The following XKR9 variants were observed in gnomAD, a reference collection of about 807,000 sequenced individuals.
The protein encoded by XKR9 is XK-related protein 9.
A neutral mutation model predicts 32.0 loss-of-function variants in XKR9; 32 were observed. The ratio of observed to expected loss-of-function variants is 1.00; its 90% CI spans 0.76 to 1.34. The LOEUF is 1.34. Ranked by LOEUF, XKR9 falls within the 40% of genes most tolerant of loss-of-function variation. XKR9 has a pLI of 0.00. For missense variants in XKR9, 546 were observed against 429.7 expected (o/e 1.27, Z -2.39); for synonymous variants, 168 against 143.4 (o/e 1.17, Z -1.22).
chr8:70,933,910 C>T, the XKR9 span, among the ~76,000 whole-genome samples: 85 of 152,010 alleles, frequency 5.6e-4, no homozygotes, highest in South Asian at 0.017. Context: ...ACATACTTAC[C>T]CGATTCTCAT....
At position 70,733,745 on chromosome 8, in the gene XKR9, A is replaced by T. The variant is rs549642506; in HGVS notation, c.494-51A>T. ...AGCATGTATGGGATATAGTAATCTA[A>T]TATTTCTATTATTCCTATAACAATA... On this transcript the variant is annotated intron_variant, in intron 4 of 4. Transcript: ENST00000408926. 219 of 1,412,242 alleles carry T rather than the reference A, an allele frequency of 1.6e-4. 2 individuals carry two copies. In the South Asian group the frequency reaches 3.3e-3, roughly 21 times the overall value. The allele number at this position is 1,412,242 out of a possible 1,614,324, so 87.5% of individuals were successfully genotyped here.
the XKR9 span, among the ~76,000 whole-genome samples, chr8:70,927,270 G>T: frequency 6.6e-6 from 1 of 151,932 alleles, no homozygotes; most frequent in Non-Finnish European, 1.5e-5. Context: ...AGCTAACAGA[G>T]GAGAGGGAAG....
At chr8:70,882,939 T>C in the XKR9 span, among the ~76,000 whole-genome samples, 1 of 149,578 alleles carries the variant, frequency 6.7e-6, no homozygotes, top group Admixed American at 6.7e-5. Flanking sequence ...ATTCTCCCCC[T>C]GAACCTTCAG....
chr8:70,810,807 AC>A, the XKR9 span, among the ~76,000 whole-genome samples: 1 of 152,248 alleles, frequency 6.6e-6, no homozygotes, highest in Non-Finnish European at 1.5e-5. Context: ...TTAGAGACCT[AC>A]AAAGAGACTT....
the XKR9 span, among the ~76,000 whole-genome samples, chr8:71,013,805 A>C: frequency 6.6e-6 from 1 of 152,150 alleles, no homozygotes; most frequent in East Asian, 1.9e-4. Context: ...ACATCCATGC[A>C]GTGATGCTAA....
intron 2 of XKR9, among the ~76,000 whole-genome samples, chr8:70,779,920 A>AT (rs1177891907): frequency 1.3e-5 from 2 of 151,772 alleles, no homozygotes; most frequent in East Asian, 1.9e-4. Flanking sequence ...GGATTCATTG[A>AT]TTTTTTGAAG....
At chr8:70,931,824 G>A in the XKR9 span, among the ~76,000 whole-genome samples, 5 of 152,314 alleles carry the variant, frequency 3.3e-5, no homozygotes, top group Admixed American at 2.0e-4. Flanking sequence ...CTAACTGAGC[G>A]AGAGCTCACA....
chr8:70,966,263 T>C, the XKR9 span, among the ~76,000 whole-genome samples: 6 of 152,060 alleles, frequency 3.9e-5, no homozygotes, highest in Admixed American at 2.0e-4. Flanking sequence ...CTTTTTTTTC[T>C]TTTGAGACAG....
intron 3 of XKR9, among the ~76,000 whole-genome samples, chr8:70,687,320 T>TTCTTTCTTTC: frequency 1.0e-5 from 1 of 95,888 alleles, no homozygotes; most frequent in African/African-American, 4.6e-5. Context: ...CCCTCTTTCT[T>TTCTTTCTTTC]TCTTTCTTTC....
chr8:71,045,012 G>C, the XKR9 span, among the ~76,000 whole-genome samples: 1 of 152,182 alleles, frequency 6.6e-6, no homozygotes, highest in African/African-American at 2.4e-5. Flanking sequence ...TTTAGTTTTG[G>C]TGAGGGTTAT....
intron 2 of XKR9, among the ~76,000 whole-genome samples, chr8:70,789,100 G>A (rs889630685): frequency 4.0e-5 from 6 of 151,876 alleles, no homozygotes; most frequent in Admixed American, 2.6e-4. Flanking sequence ...TAACTAGAAT[G>A]GTCCTTTTCT....
the XKR9 span, among the ~76,000 whole-genome samples, chr8:70,811,421 G>A: frequency 6.6e-6 from 1 of 152,030 alleles, no homozygotes; most frequent in African/African-American, 2.4e-5. Context: ...GCTAGCAGAA[G>A]GCAAGAAATC....
rs1383133191 is a variant in XKR9 at position 70,735,152 on chromosome 8, G to A, written c.*728G>A. The A allele has an allele frequency of 1.3e-5, 2 of 151,944 alleles. No individual in the cohort carries two copies. Among genetic ancestry groups the A allele is most frequent in the Non-Finnish European group, 2.9e-5 (2 of 67,994 alleles). 9.4% of individuals were successfully genotyped at this position (151,944 alleles called of 1,614,324 possible). ...ATTTACCATCTTAATCACTTTGAGTGTACAGTTCATCAGTGTTAACTGTAT... is the reference window on the plus strand; with the variant it reads ...ATTTACCATCTTAATCACTTTGAGTATACAGTTCATCAGTGTTAACTGTAT... On this transcript the variant is annotated 3_prime_UTR_variant, in exon 5 of 5. Transcript: ENST00000408926.
intron 2 of XKR9, among the ~76,000 whole-genome samples, chr8:70,749,284 T>C (rs1289320547): frequency 6.6e-6 from 1 of 151,762 alleles, no homozygotes; most frequent in African/African-American, 2.4e-5. Context: ...GGCTGAAACA[T>C]GCTCCATGCC....
intron 3 of XKR9, among the ~76,000 whole-genome samples, chr8:70,703,632 A>C (rs1353300811): frequency 6.6e-6 from 1 of 152,042 alleles, no homozygotes; most frequent in African/African-American, 2.4e-5. Flanking sequence ...CATTTAATCT[A>C]TTGCACCTAT....
At chr8:71,018,022 A>G in the XKR9 span, among the ~76,000 whole-genome samples, 2 of 152,184 alleles carry the variant, frequency 1.3e-5, no homozygotes, top group African/African-American at 2.4e-5. Flanking sequence ...AGTAATTGAG[A>G]TAGTAATAGG....
At chr8:70,787,888 A>G (rs1807709449) in intron 2 of XKR9, among the ~76,000 whole-genome samples, 1 of 152,100 alleles carries the variant, frequency 6.6e-6, no homozygotes, top group African/African-American at 2.4e-5. Flanking sequence ...AGGCTGAAAT[A>G]AAACATTTTG....
the XKR9 span, among the ~76,000 whole-genome samples, chr8:70,886,049 C>G: frequency 3.3e-5 from 5 of 152,240 alleles, no homozygotes; most frequent in East Asian, 1.9e-4. Context: ...TAGTCCCCTA[C>G]CCCCGCACAG....
rs536334859 is a variant in XKR9 at position 70,681,439 on chromosome 8, G to A, written c.272+109G>A. 158 of 1,319,960 alleles carry A rather than the reference G, an allele frequency of 1.2e-4. No individual in the cohort carries two copies. In the South Asian group the frequency reaches 1.9e-3, roughly 16 times the overall value. The allele number at this position is 1,319,960 out of a possible 1,614,324, so 81.8% of individuals were successfully genotyped here. ...ATGTACAAAGATCCCTTATTTGCAT[G>A]AAGCACAAAGGTTACTTGCTCCTCA... On this transcript the variant is annotated intron_variant, in intron 3 of 4. Coordinates refer to ENST00000408926, the MANE Select transcript of XKR9 (RefSeq NM_001011720.2).
Sources: allele counts gnomAD v4.1 joint callset (sites outside exome capture counted in the v4.1 genomes callset), GRCh38; gene constraint gnomAD v4.1.1; transcripts MANE v1.5; gene names NCBI Gene and HGNC (gene_info 2026-07-23, HGNC 2026-07-21).